The following DSCAML1 variants were observed in gnomAD, a reference collection of about 807,000 sequenced individuals.
DSCAML1 encodes DS cell adhesion molecule like 1.
A neutral mutation model predicts 200.5 loss-of-function variants in DSCAML1; 38 were observed. The observed-to-expected ratio is 0.19, with a 90% CI of 0.15 to 0.25. The LOEUF (loss-of-function observed/expected upper bound fraction) is 0.25. DSCAML1 is among the 10% of genes least tolerant of loss of function. The pLI, the probability that DSCAML1 is intolerant of heterozygous loss-of-function variation, is 1.00. For synonymous variants in DSCAML1, 1,215 were observed against 1,165.0 expected, an observed-to-expected ratio of 1.04 and a Z score of -0.87; for missense variants, 2,223 against 2,858.8, an observed-to-expected ratio of 0.78 and a Z score of 5.07.
At chr11:117,439,044 A>G (rs1025632751) in intron 23 of DSCAML1, 61 bp from the exon 24 acceptor site, 1,322 of 1,490,140 alleles carry the variant, frequency 8.9e-4, no homozygotes, top group Non-Finnish European at 8.4e-4. Flanking sequence ...GGGTGTGGGG[A>G]GTCCCCCCGT....
At chr11:117,674,949 A>C (rs2053181084) in intron 3 of DSCAML1, among the ~76,000 whole-genome samples, 1 of 152,180 alleles carries the variant, frequency 6.6e-6, no homozygotes, top group South Asian at 2.1e-4. Context: ...GATTTGTGCA[A>C]GGTAAAATAT....
At chr11:117,715,427 G>A (rs1279123328) in intron 3 of DSCAML1, among the ~76,000 whole-genome samples, 1 of 152,208 alleles carries the variant, frequency 6.6e-6, no homozygotes, top group Non-Finnish European at 1.5e-5. Flanking sequence ...ACTTCAATGG[G>A]ACTCTTTTTT....
chr11:117,591,557 C>T (rs1591301072), intron 3 of DSCAML1, among the ~76,000 whole-genome samples: 1 of 152,182 alleles, frequency 6.6e-6, no homozygotes, highest in Non-Finnish European at 1.5e-5. Flanking sequence ...TGTCTGGGGA[C>T]GTGGAGAAGT....
chr11:117,478,921 C>A (rs1288921438), intron 14 of DSCAML1, among the ~76,000 whole-genome samples: 1 of 152,214 alleles, frequency 6.6e-6, no homozygotes, highest in Non-Finnish European at 1.5e-5. Context: ...GATTGAACTC[C>A]TGGGTGGCTT....
At chr11:117,566,213 T>G (rs970797788) in intron 3 of DSCAML1, among the ~76,000 whole-genome samples, 2 of 152,220 alleles carry the variant, frequency 1.3e-5, no homozygotes, top group Non-Finnish European at 2.9e-5. Context: ...GCTGGTCCTG[T>G]GACAGAAGTC....
At chr11:117,590,445 G>A (rs2051237470) in intron 3 of DSCAML1, among the ~76,000 whole-genome samples, 1 of 151,542 alleles carries the variant, frequency 6.6e-6, no homozygotes, top group East Asian at 1.9e-4. Context: ...CCACATTTTA[G>A]GACACACTGG....
chr11:117,652,746 G>A (rs754083883), intron 3 of DSCAML1, among the ~76,000 whole-genome samples: 5 of 152,302 alleles, frequency 3.3e-5, no homozygotes, highest in Admixed American at 1.3e-4. Flanking sequence ...ATAACCGTGC[G>A]TGCATTGGTA....
chr11:117,772,194 T>G (rs1057440869), intron 3 of DSCAML1, among the ~76,000 whole-genome samples: 2 of 152,134 alleles, frequency 1.3e-5, no homozygotes, highest in Non-Finnish European at 2.9e-5. Flanking sequence ...ATGAGAGCTA[T>G]GAAAACCCAT....
chr11:117,589,953 C>G lies in DSCAML1; in HGVS notation c.512-57431G>C, dbSNP rs192769040. On this transcript the variant is annotated intron_variant, in intron 3 of 32. Transcript: ENST00000651296. Reference sequence around the variant, plus strand: ...GGTTGAAATTCAGATGACCTTGTTTCAAATCTTCTATTCCCTCTATCACAT... The same window carrying G: ...GGTTGAAATTCAGATGACCTTGTTTGAAATCTTCTATTCCCTCTATCACAT... Among the ~76,000 whole-genome samples the G allele has an allele frequency of 1.2e-3, 181 of 152,296 alleles. 1 individual carries two copies. Among genetic ancestry groups the G allele is most frequent in the Admixed American group, 0.011 (163 of 15,302 alleles).
At chr11:117,442,280 AGT>A (rs565021147) in intron 21 of DSCAML1, among the ~76,000 whole-genome samples, 94 of 146,924 alleles carry the variant, frequency 6.4e-4, no homozygotes, top group African/African-American at 2.3e-3. Context: ...TAGTGTGTAT[AGT>A]GTGTATGTGT....
intron 20 of DSCAML1, among the ~76,000 whole-genome samples, chr11:117,446,188 A>G (rs1261247033): frequency 6.6e-6 from 1 of 152,184 alleles, no homozygotes; most frequent in Non-Finnish European, 1.5e-5. Flanking sequence ...ACATGGTGAA[A>G]TCCCCTCTCT....
intron 26 of DSCAML1, among the ~76,000 whole-genome samples, chr11:117,436,530 ATG>A (rs2047919664): frequency 8.8e-6 from 1 of 113,210 alleles, no homozygotes; most frequent in Non-Finnish European, 2.1e-5. Context: ...GTGTGTGTGT[ATG>A]TGTGTGTATG....
chr11:117,690,800 T>A (rs2053480659), intron 3 of DSCAML1, among the ~76,000 whole-genome samples: 1 of 152,192 alleles, frequency 6.6e-6, no homozygotes, highest in South Asian at 2.1e-4. Flanking sequence ...CTGTGCTTCA[T>A]GAAGCTACCA....
At chr11:117,526,030 G>A (rs2049970984) in intron 4 of DSCAML1, among the ~76,000 whole-genome samples, 1 of 152,206 alleles carries the variant, frequency 6.6e-6, no homozygotes, top group African/African-American at 2.4e-5. Context: ...GCAACTACGA[G>A]ACCTGTGGCC....
At chr11:117,650,667 C>CTGTGTG (rs66966642) in intron 3 of DSCAML1, among the ~76,000 whole-genome samples, 9,786 of 143,386 alleles carry the variant, frequency 0.068, 433 homozygotes, top group Admixed American at 0.15. Flanking sequence ...GTGTGTCTAT[C>CTGTGTG]TGTGTGTGTG....
chr11:117,735,075 C>T (rs776424182), intron 3 of DSCAML1, among the ~76,000 whole-genome samples: 10 of 152,138 alleles, frequency 6.6e-5, no homozygotes, highest in Non-Finnish European at 1.3e-4. Context: ...AGCCTTCCCT[C>T]GGGGGACCAG....
At chr11:117,566,143 ATC>A (rs1164864744) in intron 3 of DSCAML1, among the ~76,000 whole-genome samples, 1 of 152,108 alleles carries the variant, frequency 6.6e-6, no homozygotes, top group Non-Finnish European at 1.5e-5. Context: ...CACCATCATC[ATC>A]TCTGTTTAAT....
intron 3 of DSCAML1, among the ~76,000 whole-genome samples, chr11:117,610,847 C>CT (rs966636096): frequency 1.4e-5 from 2 of 147,540 alleles, no homozygotes; most frequent in South Asian, 4.5e-4. Flanking sequence ...ACAACCCCCC[C>CT]CCCCCACAAT....
chr11:117,566,327 CCCTTT>C (rs1411603856), intron 3 of DSCAML1, among the ~76,000 whole-genome samples: 1 of 150,068 alleles, frequency 6.7e-6, no homozygotes, highest in African/African-American at 2.5e-5. Context: ...CTCTCTTTCT[CCCTTT>C]CTTTTCTTTC....
Sources: allele counts gnomAD v4.1 joint callset (sites outside exome capture counted in the v4.1 genomes callset), GRCh38; gene constraint gnomAD v4.1.1; transcripts MANE v1.5; gene names NCBI Gene and HGNC (gene_info 2026-07-23, HGNC 2026-07-21).